MEOX2: variants seen among roughly 807,000 people sequenced by gnomAD.
The protein encoded by MEOX2 is mesenchyme homeobox 2, also known as homeobox protein MOX-2.
MEOX2 carries 11 observed loss-of-function variants against 27.0 expected under a neutral mutation model. The ratio of observed to expected loss-of-function variants is 0.41; its 90% CI spans 0.26 to 0.68. MEOX2 has a LOEUF of 0.68. Ranked by LOEUF, MEOX2 falls within the 30% of genes least tolerant of loss-of-function variation. The probability of loss-of-function intolerance (pLI) is 0.33; values close to 1 mark genes in which losing one functional copy is unlikely to be tolerated. For missense variants in MEOX2, 436 were observed against 385.4 expected (o/e 1.13, Z -1.10); for synonymous variants, 189 against 155.4 (o/e 1.22, Z -1.61).
At chr7:15,639,284 A>G (rs374768214) in intron 1 of MEOX2, among the ~76,000 whole-genome samples, 119 of 152,144 alleles carry the variant, frequency 7.8e-4, no homozygotes, top group African/African-American at 2.7e-3. Flanking sequence ...TTCTTTTGAG[A>G]AGTATGTGTT....
intron 1 of MEOX2, among the ~76,000 whole-genome samples, chr7:15,648,388 G>T (rs1781682196): frequency 6.6e-6 from 1 of 152,072 alleles, no homozygotes; most frequent in Non-Finnish European, 1.5e-5. Flanking sequence ...TGCCGGTGCG[G>T]ATGAAGGAAT....
chr7:15,633,742 T>A (rs1357948532), intron 1 of MEOX2, among the ~76,000 whole-genome samples: 3 of 151,916 alleles, frequency 2.0e-5, no homozygotes, highest in African/African-American at 7.2e-5. Context: ...ATTGAACTTT[T>A]CATTTATTTT....
intron 1 of MEOX2, among the ~76,000 whole-genome samples, chr7:15,672,695 A>C (rs1310101276): frequency 6.6e-6 from 1 of 152,146 alleles, no homozygotes; most frequent in African/African-American, 2.4e-5. Context: ...GATCAAGACC[A>C]TCCTGGCTAA....
intron 2 of MEOX2, among the ~76,000 whole-genome samples, chr7:15,614,404 A>G (rs187667778): frequency 3.9e-5 from 5 of 129,314 alleles, no homozygotes; most frequent in Non-Finnish European, 4.9e-5. Flanking sequence ...ACAGAGCAAG[A>G]TCCTGTCTCA....
intron 1 of MEOX2, among the ~76,000 whole-genome samples, chr7:15,653,007 T>C (rs999508375): frequency 1.3e-5 from 2 of 152,046 alleles, no homozygotes; most frequent in African/African-American, 4.8e-5. Flanking sequence ...GTGCAACTGG[T>C]GAGTCATATG....
chr7:15,659,758 C>CAAAAAAAAAA (rs58319551), intron 1 of MEOX2, among the ~76,000 whole-genome samples: 2 of 54,220 alleles, frequency 3.7e-5, no homozygotes, highest in African/African-American at 5.8e-5. Context: ...AGACTGCTCT[C>CAAAAAAAAAA]AAAAAAAAAA....
intron 1 of MEOX2, among the ~76,000 whole-genome samples, chr7:15,627,826 C>CACACACACACACACACAT (rs1562597858): frequency 2.0e-5 from 3 of 151,550 alleles, no homozygotes; most frequent in African/African-American, 7.3e-5. Flanking sequence ...CACACACACA[C>CACACACACACACACACAT]GTCAAGTAAA....
chr7:15,625,150 TA>T (rs1202963889), intron 2 of MEOX2, among the ~76,000 whole-genome samples: 1 of 152,176 alleles, frequency 6.6e-6, no homozygotes, highest in African/African-American at 2.4e-5. Flanking sequence ...ATCTACTATA[TA>T]AAACACGGTT....
chr7:15,673,122 T>C (rs752871011), intron 1 of MEOX2, among the ~76,000 whole-genome samples: 7 of 152,230 alleles, frequency 4.6e-5, no homozygotes, highest in Non-Finnish European at 8.8e-5. Flanking sequence ...AAATAGGATT[T>C]ACCAAGAACT....
chr7:15,611,255 A>C lies in MEOX2; in HGVS notation c.*1132T>G, dbSNP rs547524445. ...TTATTAAACACATTTTAAAAACAAA[A>C]TACAAAGATAGTTGTTCTGCATGAA... On this transcript the variant is annotated 3_prime_UTR_variant, in exon 3 of 3. Coordinates refer to ENST00000262041, the MANE Select transcript of MEOX2 (RefSeq NM_005924.5). The C allele has an allele frequency of 2.0e-5, 3 of 152,202 alleles. No homozygotes were observed. The highest frequency in any genetic ancestry group is 6.5e-5 in the Admixed American group (1 of 15,274). The allele number at this position is 152,202 out of a possible 1,614,324, so 9.4% of individuals were successfully genotyped here.
chr7:15,640,908 T>C (rs1170040500), intron 1 of MEOX2, among the ~76,000 whole-genome samples: 1 of 152,210 alleles, frequency 6.6e-6, no homozygotes. Context: ...TTTTTTGATA[T>C]GTTGCCAGAT....
chr7:15,615,496 A>G (rs946798941), intron 2 of MEOX2, among the ~76,000 whole-genome samples: 3 of 152,020 alleles, frequency 2.0e-5, no homozygotes, highest in African/African-American at 7.2e-5. Flanking sequence ...TAATTCTCCC[A>G]CTTGATATAA....
chr7:15,642,738 T>C (rs939152552), intron 1 of MEOX2, among the ~76,000 whole-genome samples: 7 of 152,202 alleles, frequency 4.6e-5, no homozygotes, highest in African/African-American at 1.7e-4. Context: ...GCAGAAGCTA[T>C]TACTTCTTAT....
intron 1 of MEOX2, among the ~76,000 whole-genome samples, chr7:15,634,658 T>C (rs1781454709): frequency 1.3e-5 from 2 of 151,958 alleles, no homozygotes; most frequent in Non-Finnish European, 2.9e-5. Context: ...TAACTTTCAG[T>C]TATACAACTC....
intron 1 of MEOX2, among the ~76,000 whole-genome samples, chr7:15,671,482 C>CT (rs1782096479): frequency 2.0e-5 from 3 of 152,146 alleles, no homozygotes; most frequent in Non-Finnish European, 4.4e-5. Flanking sequence ...TTATTGCACA[C>CT]TTTCCTTTTA....
intron 1 of MEOX2, among the ~76,000 whole-genome samples, chr7:15,637,234 T>G (rs1253008574): frequency 1.3e-5 from 2 of 152,088 alleles, no homozygotes; most frequent in Non-Finnish European, 2.9e-5. Flanking sequence ...GCATTAAGTT[T>G]CTGTGAATGT....
intron 1 of MEOX2, among the ~76,000 whole-genome samples, chr7:15,683,058 C>T (rs1472924969): frequency 6.6e-6 from 1 of 151,904 alleles, no homozygotes; most frequent in Non-Finnish European, 1.5e-5. Flanking sequence ...TGTCCATGTG[C>T]ATTTGTGGAG....
chr7:15,675,532 G>T (rs1562615811), intron 1 of MEOX2, among the ~76,000 whole-genome samples: 1 of 152,234 alleles, frequency 6.6e-6, no homozygotes, highest in East Asian at 1.9e-4. Context: ...GCACTAGGCT[G>T]AAGTCAGGAT....
intron 1 of MEOX2, among the ~76,000 whole-genome samples, chr7:15,636,690 G>T (rs1781483941): frequency 6.6e-6 from 1 of 151,958 alleles, no homozygotes; most frequent in South Asian, 2.1e-4. Flanking sequence ...ATTATTATCT[G>T]CCTCAGTCCA....
Sources: allele counts gnomAD v4.1 joint callset (sites outside exome capture counted in the v4.1 genomes callset), GRCh38; gene constraint gnomAD v4.1.1; transcripts MANE v1.5; gene names NCBI Gene and HGNC (gene_info 2026-07-23, HGNC 2026-07-21).